The following BICD1 variants were observed in gnomAD, a reference collection of about 807,000 sequenced individuals.
BICD1 encodes the protein protein bicaudal D homolog 1.
Under a neutral mutation model 92.5 loss-of-function variants are expected in BICD1, and 35 were observed. That is an observed-to-expected ratio of 0.38 (90% CI 0.29 to 0.50). The LOEUF is 0.50. Ranked by LOEUF, BICD1 falls within the 20% of genes least tolerant of loss-of-function variation. The pLI, the probability that BICD1 is intolerant of heterozygous loss-of-function variation, is 0.93. For synonymous variants in BICD1, 429 were observed against 465.1 expected (o/e 0.92, Z 1.00); for missense variants, 950 against 1,189.8 (o/e 0.80, Z 2.97).
intron 2 of BICD1, among the ~76,000 whole-genome samples, chr12:32,249,424 TTGTC>T (rs1397139640): frequency 6.6e-6 from 1 of 152,328 alleles, no homozygotes. Context: ...ATTTATTAGT[TTGTC>T]TGTGAATATG....
chr12:32,247,901 A>G (rs890402127), intron 2 of BICD1, among the ~76,000 whole-genome samples: 18 of 152,270 alleles, frequency 1.2e-4, no homozygotes, highest in Middle Eastern at 6.8e-3. Flanking sequence ...CCTGACCAAC[A>G]TAGTGAAACC....
chr12:32,113,964 C>T lies in BICD1; in HGVS notation c.213+6420C>T, dbSNP rs113756173. On this transcript the variant is annotated intron_variant, in intron 1 of 9. Transcript: ENST00000652176. The stretch of plus-strand genomic sequence containing the variant: ...TCGGCTTACTGCAACCTCTGCCTCC[C>T]GGGTTCAAGTGATTCTCCTGCGTCA... Among the ~76,000 whole-genome samples, 328 of 151,688 alleles carry T rather than the reference C, an allele frequency of 2.2e-3. 1 individual carries two copies. The highest frequency in any genetic ancestry group is 7.6e-3 in the African/African-American group (315 of 41,368).
At chr12:32,290,020 A>T (rs1947685483) in intron 2 of BICD1, among the ~76,000 whole-genome samples, 1 of 152,232 alleles carries the variant, frequency 6.6e-6, no homozygotes, top group Non-Finnish European at 1.5e-5. Flanking sequence ...CAACTGGTGG[A>T]GTAGGCATAG....
At chr12:32,292,491 A>G (rs555622796) in intron 2 of BICD1, among the ~76,000 whole-genome samples, 1 of 152,228 alleles carries the variant, frequency 6.6e-6, no homozygotes, top group South Asian at 2.1e-4. Flanking sequence ...AGACAATTGA[A>G]CCTACATAGC....
chr12:32,243,321 C>G (rs1162125750), intron 2 of BICD1, among the ~76,000 whole-genome samples: 2 of 138,052 alleles, frequency 1.4e-5, no homozygotes, highest in Non-Finnish European at 3.0e-5. Context: ...GCCATGTTGC[C>G]CAGGCTTGTC....
At chr12:32,370,951 G>A (rs1939716398) in intron 9 of BICD1, among the ~76,000 whole-genome samples, 1 of 152,108 alleles carries the variant, frequency 6.6e-6, no homozygotes, top group African/African-American at 2.4e-5. Context: ...CAACCTTCCT[G>A]CCTCAGAAGA....
At chr12:32,115,668 G>A (rs1165551633) in intron 1 of BICD1, among the ~76,000 whole-genome samples, 2 of 152,152 alleles carry the variant, frequency 1.3e-5, no homozygotes, top group Non-Finnish European at 2.9e-5. Flanking sequence ...GTGTAGGTTT[G>A]CATAAAAGAA....
intron 8 of BICD1, among the ~76,000 whole-genome samples, chr12:32,364,848 G>C (rs1939465362): frequency 6.6e-6 from 1 of 152,172 alleles, no homozygotes. Context: ...CTACTCAAGA[G>C]GCTGAGGCAG....
intron 8 of BICD1, among the ~76,000 whole-genome samples, chr12:32,365,764 G>A (rs951848094): frequency 4.6e-5 from 7 of 152,194 alleles, no homozygotes; most frequent in African/African-American, 1.7e-4. Flanking sequence ...AAAGCTGTTG[G>A]AGAAGACAAA....
intron 2 of BICD1, among the ~76,000 whole-genome samples, chr12:32,218,221 GA>G (rs756534704): frequency 1.3e-5 from 2 of 152,174 alleles, no homozygotes; most frequent in African/African-American, 2.4e-5. Flanking sequence ...ATGCATGGCA[GA>G]AGTTAATTAA....
chr12:32,340,593 T>A, intron 8 of BICD1: 1 of 778,056 alleles, frequency 1.3e-6, no homozygotes, highest in Non-Finnish European at 1.6e-6. Context: ...AAATTAATAA[T>A]CAATGTTAAC....
At chr12:32,144,461 C>G (rs923381978) in intron 1 of BICD1, among the ~76,000 whole-genome samples, 4 of 152,106 alleles carry the variant, frequency 2.6e-5, no homozygotes, top group African/African-American at 9.7e-5. Flanking sequence ...GTACAAGAGG[C>G]ATAAATCCAC....
chr12:32,175,872 A>G (rs1944076099), intron 1 of BICD1, among the ~76,000 whole-genome samples: 1 of 152,176 alleles, frequency 6.6e-6, no homozygotes, highest in Non-Finnish European at 1.5e-5. Context: ...GTCCATTTAT[A>G]GTTAATCCCT....
intron 1 of BICD1, chr12:32,108,404 C>A (rs769014578): frequency 3.2e-6 from 1 of 312,264 alleles, no homozygotes; most frequent in African/African-American, 2.1e-5. Flanking sequence ...AAACAATGAA[C>A]GTGCTTTGAT....
intron 1 of BICD1, among the ~76,000 whole-genome samples, chr12:32,111,456 A>T (rs995996754): frequency 6.6e-6 from 1 of 152,168 alleles, no homozygotes; most frequent in Non-Finnish European, 1.5e-5. Flanking sequence ...AGTTTCTTTT[A>T]TATCTTTAAG....
chr12:32,124,749 A>G (rs1614572), intron 1 of BICD1, among the ~76,000 whole-genome samples: 43,917 of 151,894 alleles, frequency 0.29, 6,580 homozygotes, highest in Admixed American at 0.43. Flanking sequence ...AGCCTGTAGA[A>G]GAGGGAAGGC....
chr12:32,292,998 C>T (rs1947763760), intron 2 of BICD1, among the ~76,000 whole-genome samples: 1 of 151,944 alleles, frequency 6.6e-6, no homozygotes, highest in Non-Finnish European at 1.5e-5. Context: ...CACATAAGTC[C>T]TGGTAATACA....
intron 2 of BICD1, among the ~76,000 whole-genome samples, chr12:32,238,517 C>A (rs7136837): frequency 0.13 from 19,191 of 152,168 alleles, 2,010 homozygotes; most frequent in African/African-American, 0.28. Flanking sequence ...CAGGGGCAGG[C>A]TTTGAGAGGA....
intron 8 of BICD1, among the ~76,000 whole-genome samples, chr12:32,346,382 T>C (rs1190941397): frequency 1.3e-5 from 2 of 149,064 alleles, no homozygotes; most frequent in East Asian, 4.0e-4. Context: ...CCAGGCATGG[T>C]GGTGCATGCC....
Sources: allele counts gnomAD v4.1 joint callset (sites outside exome capture counted in the v4.1 genomes callset), GRCh38; gene constraint gnomAD v4.1.1; transcripts MANE v1.5; gene names NCBI Gene and HGNC (gene_info 2026-07-23, HGNC 2026-07-21).